The following ZNF608 variants were observed in gnomAD, a reference collection of about 807,000 sequenced individuals.
ZNF608 encodes renal carcinoma antigen NY-REN-36.
Under a neutral mutation model 109.0 loss-of-function variants are expected in ZNF608, and 12 were observed. The observed-to-expected ratio is 0.11, with a 90% CI of 0.07 to 0.18. ZNF608 has a LOEUF of 0.18. Ranked by LOEUF, ZNF608 falls within the 10% of genes least tolerant of loss-of-function variation. ZNF608 has a pLI of 1.00. For missense variants in ZNF608, 1,707 were observed against 1,879.3 expected (o/e 0.91, Z 1.70); for synonymous variants, 732 against 717.4 (o/e 1.02, Z -0.33).
Position 124,724,391 on chromosome 5 carries a change from TA to T in ZNF608, c.906+19692del, listed in dbSNP as rs1166817507. ...CAATTTCTGACCTCTTTTTTTAATT[TA>T]AAAAAAATAGTCAAAAAGTAATAAA... is the stretch of plus-strand genomic sequence containing the variant. On this transcript the variant is annotated intron_variant, in intron 2 of 9. Transcript: ENST00000513986. Among the ~76,000 whole-genome samples, 16 of 143,160 alleles carry T rather than the reference TA, an allele frequency of 1.1e-4. No homozygotes were observed. In the South Asian group the frequency reaches 2.6e-3, roughly 24 times the overall value. The allele number at this position is 143,160 out of a possible 152,430, so 93.9% of individuals were successfully genotyped here.
At chr5:124,725,360 G>A (rs1754098459) in intron 2 of ZNF608, among the ~76,000 whole-genome samples, 2 of 151,916 alleles carry the variant, frequency 1.3e-5, no homozygotes, top group East Asian at 3.9e-4. Context: ...TGTACCTCCA[G>A]GACCCAGACT....
chr5:124,739,827 G>C (rs1749307808), intron 2 of ZNF608, among the ~76,000 whole-genome samples: 1 of 152,166 alleles, frequency 6.6e-6, no homozygotes, highest in African/African-American at 2.4e-5. Context: ...TGAAAACGAA[G>C]AACAGATGGT....
chr5:124,644,681 G>T lies in ZNF608; in HGVS notation c.3706-20C>A. ...TGGGTCCTGATTTTTTTGTTTTAAAGAAAAAAAACCCAACAGATTTGTTTT... is the reference window on the plus strand; with the variant it reads ...TGGGTCCTGATTTTTTTGTTTTAAATAAAAAAAACCCAACAGATTTGTTTT... On this transcript the variant is annotated intron_variant, in intron 5 of 9. Coordinates refer to ENST00000513986, the MANE Select transcript of ZNF608 (RefSeq NM_020747.3). 1 of 1,513,498 alleles carries T rather than the reference G, an allele frequency of 6.6e-7. No homozygotes were observed. The allele number at this position is 1,513,498 out of a possible 1,614,324, so 93.8% of individuals were successfully genotyped here.
chr5:124,637,705 G>A lies in ZNF608; in HGVS notation c.*195C>T, dbSNP rs1430076572. ...TATGTATATATACAGATATGTATAC[G>A]TATATATATATAAAACAGAAGTTTA... On this transcript the variant is annotated 3_prime_UTR_variant, in exon 10 of 10. Transcript: ENST00000513986. 5 of 360,516 alleles carry A rather than the reference G, an allele frequency of 1.4e-5. No homozygotes were observed. The highest frequency in any genetic ancestry group is 6.0e-5 in the East Asian group (1 of 16,722). The allele number at this position is 360,516 out of a possible 1,614,324, so 22.3% of individuals were successfully genotyped here. A position where few individuals can be genotyped will look rare whatever the true frequency, so the allele number is the denominator to read the frequency against.
intron 3 of ZNF608, among the ~76,000 whole-genome samples, chr5:124,681,759 T>C (rs1015339482): frequency 2.0e-5 from 3 of 152,134 alleles, no homozygotes; most frequent in African/African-American, 7.2e-5. Context: ...AAAAAAGGAC[T>C]CATGCTAAAG....
At chr5:124,703,820 T>C (rs937363320) in intron 2 of ZNF608, among the ~76,000 whole-genome samples, 3 of 152,112 alleles carry the variant, frequency 2.0e-5, no homozygotes, top group Non-Finnish European at 2.9e-5. Flanking sequence ...CGCCTAATAT[T>C]GATGACATAT....
chr5:124,669,679 A>C (rs190911996), intron 3 of ZNF608, among the ~76,000 whole-genome samples: 149 of 151,992 alleles, frequency 9.8e-4, no homozygotes, highest in Non-Finnish European at 1.6e-3. Context: ...ACACACACAC[A>C]CACACACTCC....
rs542416004 is a variant in ZNF608, at chr5:124,717,205, C to A, written c.907-15936G>T. ...TGCTGGCCAGGAGCAATGGCTCATG[C>A]CTGTAACCCCAGCATTTTGGGAGGC... On this transcript the variant is annotated intron_variant, in intron 2 of 9. Coordinates refer to ENST00000513986, the MANE Select transcript of ZNF608 (RefSeq NM_020747.3). Among the ~76,000 whole-genome samples, 3 of 152,084 alleles carry A rather than the reference C, an allele frequency of 2.0e-5. No homozygotes were observed. The South Asian group carries it at 6.2e-4, about 32-fold the overall frequency.
At chr5:124,641,474 C>A in intron 7 of ZNF608, 69 bp from the exon 8 acceptor site, 3 of 1,462,974 alleles carry the variant, frequency 2.1e-6, no homozygotes, top group Non-Finnish European at 2.8e-6. Context: ...ACTAAACCAC[C>A]TTTGTCCCTT....
At chr5:124,660,188 G>A (rs550946810) in intron 3 of ZNF608, among the ~76,000 whole-genome samples, 2 of 147,104 alleles carry the variant, frequency 1.4e-5, no homozygotes, top group East Asian at 4.1e-4. Context: ...GTGTGTGTGT[G>A]TGTGTGAGAG....
rs147113638 is a variant in ZNF608, at chr5:124,643,619, T to C, written c.4188A>G (p.Thr1396=). ...VYGKMSGREE[T]EKVNTSPSVN... ...CGCTAGGGCTGGTATTGACTTTCTC[T>C]GTCTCTTCTCTCCCTGACATCTTCC... Residue 1396 remains threonine (T), a synonymous_variant, in exon 7 of 10, where the codon ACA becomes ACG. Transcript: ENST00000513986. 6 of 1,614,226 alleles carry C rather than the reference T, an allele frequency of 3.7e-6. No homozygotes were observed. In the Admixed American group the frequency reaches 5.0e-5, roughly 13 times the overall value.
At chr5:124,730,617 T>C (rs1197523748) in intron 2 of ZNF608, among the ~76,000 whole-genome samples, 1 of 152,042 alleles carries the variant, frequency 6.6e-6, no homozygotes, top group Non-Finnish European at 1.5e-5. Flanking sequence ...AGATAGAGAG[T>C]ATTAGACTTT....
At chr5:124,727,733 CTT>C (rs1182383879) in intron 2 of ZNF608, among the ~76,000 whole-genome samples, 3,299 of 77,786 alleles carry the variant, frequency 0.042, 100 homozygotes, top group East Asian at 0.12. Context: ...TCCAGGTATC[CTT>C]TTTTTTTTTT....
chr5:124,746,113 C>A (rs1193272448), intron 1 of ZNF608, 82 bp downstream of exon 1: 3 of 984,666 alleles, frequency 3.0e-6, no homozygotes, highest in African/African-American at 3.5e-5. Flanking sequence ...AGGGATCAGC[C>A]CCTTTTTAAC....
In ZNF608 at chr5:124,739,789, G is replaced by A. The variant is rs549732748; in HGVS notation, c.906+4295C>T. On this transcript the variant is annotated intron_variant, in intron 2 of 9. Transcript: ENST00000513986. ...GACACCGTCGAAACTGGAGCAAATC[G>A]CAGCCATTCAATCCCTCTTTTTCAC... 2.1e-3 allele frequency among the ~76,000 whole-genome samples: 322 copies of A among 152,206 alleles called. 1 individual carries two copies. Among genetic ancestry groups the A allele is most frequent in the Non-Finnish European group, 4.1e-3 (279 of 68,000 alleles).
Position 124,643,597 on chromosome 5 carries a change from T to C in ZNF608, c.4210A>G (p.Ser1404Gly). 6.2e-7 allele frequency: 1 copy of C among 1,614,232 alleles called. No homozygotes were observed. The highest frequency in any genetic ancestry group is 8.5e-7 in the Non-Finnish European group (1 of 1,180,034). Reference protein sequence around the residue: ...EETEKVNTSPSVNTKTTTESK... With the variant: ...EETEKVNTSPGVNTKTTTESK... ...TCAGTGGTTGTTTTCGTGTTGACGC[T>C]AGGGCTGGTATTGACTTTCTCTGTC... is the stretch of plus-strand genomic sequence containing the variant. The change falls in exon 7 of 10, where the codon AGC becomes GGC. Residue 1404 changes from serine to glycine, a missense_variant. By Grantham distance (56) the Ser-to-Gly change is moderately conservative. Around this residue, in one of 7 missense-constraint regions of ZNF608, gnomAD observed 1,073 missense variants for 1,133.5 expected, o/e 0.95. Transcript: ENST00000513986.
upstream of ZNF608, among the ~76,000 whole-genome samples, chr5:124,747,265 C>A (rs1427057249): frequency 6.6e-6 from 1 of 150,862 alleles, no homozygotes; most frequent in African/African-American, 2.4e-5. Flanking sequence ...TTTCTCTCCT[C>A]TCCCTTCGCC....
chr5:124,701,992 G>T (rs1180281741), intron 2 of ZNF608, among the ~76,000 whole-genome samples: 2 of 152,132 alleles, frequency 1.3e-5, no homozygotes, highest in African/African-American at 2.4e-5. Context: ...TTTGATTAAG[G>T]CTCAGTCACC....
chr5:124,672,063 A>G (rs1751752895), intron 3 of ZNF608, among the ~76,000 whole-genome samples: 1 of 152,246 alleles, frequency 6.6e-6, no homozygotes, highest in Non-Finnish European at 1.5e-5. Flanking sequence ...ATTTTTAAAA[A>G]GTCATTCTTT....
Sources: gnomAD v4.1 joint callset for allele counts (sites outside exome capture counted in the v4.1 genomes callset) on GRCh38, gnomAD v4.1.1 for gene constraint, gnomAD v4.1.1 regional missense constraint, MANE v1.5 for transcripts, NCBI Gene and HGNC (gene_info 2026-07-23, HGNC 2026-07-21) for gene names.